Variants in PCDHGC4 observed in about 807,000 individuals in gnomAD.
PCDHGC4 encodes the protein protocadherin gamma-C4.
In PCDHGC4, 15 loss-of-function variants were observed where a neutral mutation model predicts 59.7. The ratio of observed to expected loss-of-function variants is 0.25; its 90% CI spans 0.17 to 0.39. The LOEUF is 0.39. PCDHGC4 is among the 10% of genes least tolerant of loss of function. The pLI is 1.00. For synonymous variants in PCDHGC4, 434 were observed against 481.4 expected, an observed-to-expected ratio of 0.90 and a Z score of 1.29; for missense variants, 1,016 against 1,189.5, an observed-to-expected ratio of 0.85 and a Z score of 2.15.
In PCDHGC4 at chr5:141,491,665, C is replaced by A; in HGVS notation, c.2443-3142C>A. 1 of 1,613,764 alleles carries A rather than the reference C, an allele frequency of 6.2e-7. No individual in the cohort carries two copies. Among genetic ancestry groups the A allele is most frequent in the Admixed American group, 1.7e-5 (1 of 60,034 alleles). On this transcript the variant is annotated intron_variant, in intron 1 of 3. Coordinates refer to ENST00000306593, the MANE Select transcript of PCDHGC4 (RefSeq NM_018928.3). The surrounding 1 kb of genome is among the most constrained non-coding windows in gnomAD (Gnocchi z 6.9). ...TCTGGCGCTGGAGCCTGACGCCATCCGGTCCCGCTCTAATACGCTGCGGGA... is the reference window on the plus strand; with the variant it reads ...TCTGGCGCTGGAGCCTGACGCCATCAGGTCCCGCTCTAATACGCTGCGGGA...
chr5:141,491,253 T>C lies in PCDHGC4; in HGVS notation c.2443-3554T>C, dbSNP rs71583648. The C allele has an allele frequency of 2.3e-3, 3,639 of 1,614,176 alleles. 33 individuals carry two copies. The African/African-American group carries it at 0.026, about 11-fold the overall frequency. Reference sequence around the variant, plus strand: ...TGCTGGTTCTGGAGGATGAGGACCCTGAGGAAATGCCCAAATCCAGTGACT... The same window carrying C: ...TGCTGGTTCTGGAGGATGAGGACCCCGAGGAAATGCCCAAATCCAGTGACT... On this transcript the variant is annotated intron_variant, in intron 1 of 3. Coordinates refer to ENST00000306593, the MANE Select transcript of PCDHGC4 (RefSeq NM_018928.3). This position sits in a 1 kb window ranked among gnomAD's most constrained non-coding sequence, Gnocchi z 6.9.
chr5:141,490,419 G>T lies in PCDHGC4; in HGVS notation c.2442+2804G>T, dbSNP rs1424302713. ...TGAGCCTTGATATCTCTCCGGACCT[G>T]CCATTTCAGATTAAGCCTTCTGAGA... is the stretch of plus-strand genomic sequence containing the variant. On this transcript the variant is annotated intron_variant, in intron 1 of 3. Transcript: ENST00000306593. The surrounding 1 kb of genome is among the most constrained non-coding windows in gnomAD (Gnocchi z 5.4). The T allele has an allele frequency of 6.2e-7, 1 of 1,614,170 alleles. No homozygotes were observed. The highest frequency in any genetic ancestry group is 8.5e-7 in the Non-Finnish European group (1 of 1,180,020).
intron 3 of PCDHGC4, among the ~76,000 whole-genome samples, chr5:141,508,711 T>G (rs1201917424): frequency 6.6e-6 from 1 of 152,058 alleles, no homozygotes; most frequent in Admixed American, 6.5e-5. Flanking sequence ...CTCATTCTTT[T>G]CTGTGTGCAG....
At chr5:141,498,971 G>A (rs866066098) in intron 2 of PCDHGC4, among the ~76,000 whole-genome samples, 16 of 111,052 alleles carry the variant, frequency 1.4e-4, no homozygotes, top group African/African-American at 2.5e-4. Context: ...GAGGGAGGGA[G>A]GGAAGGAAGG....
chr5:141,486,166 G>A lies in PCDHGC4; in HGVS notation c.993G>A (p.Glu331=). ...GCGATGGGGGTTCTCCAGCCATGGA[G>A]CAACATTGCAGCCTTCGAGTGGATC... ...RARDGGSPAM[E]QHCSLRVDLL... is the part of the protein sequence containing the mutation. The change falls in exon 1 of 4, where the codon GAG becomes GAA. Residue 331 remains glutamate, a synonymous_variant. Coordinates refer to ENST00000306593, the MANE Select transcript of PCDHGC4 (RefSeq NM_018928.3). The surrounding 1 kb of genome is among the most constrained non-coding windows in gnomAD (Gnocchi z 5.0). The A allele has an allele frequency of 2.5e-6, 4 of 1,614,224 alleles. No individual in the cohort carries two copies. The highest frequency in any genetic ancestry group is 3.4e-6 in the Non-Finnish European group (4 of 1,180,040).
rs1348847945 is a variant in PCDHGC4, at chr5:141,493,426, C to G, written c.2443-1381C>G. ...TGCCTCTGCTGGGATTTTGCTTCTG[C>G]TGGGATGGGGCAAGGGTGGGGTTCC... On this transcript the variant is annotated intron_variant, in intron 1 of 3. Transcript: ENST00000306593. The surrounding 1 kb of genome is among the most constrained non-coding windows in gnomAD (Gnocchi z 4.3). Among the ~76,000 whole-genome samples, 2 of 152,144 alleles carry G rather than the reference C, an allele frequency of 1.3e-5. No homozygotes were observed. The highest frequency in any genetic ancestry group is 4.8e-5 in the African/African-American group (2 of 41,424).
At position 141,491,502 on chromosome 5, in the gene PCDHGC4, C is replaced by G. The variant is rs751961360; in HGVS notation, c.2443-3305C>G. 1.4e-5 allele frequency: 23 copies of G among 1,614,080 alleles called. No homozygotes were observed. Among genetic ancestry groups the G allele is most frequent in the Non-Finnish European group, 1.8e-5 (21 of 1,180,006 alleles). ...GCCCCAACCTGCAGGTGAGCTCGGA[C>G]GGCACGCTCAAGTACATGGAGGTGA... On this transcript the variant is annotated intron_variant, in intron 1 of 3. Coordinates refer to ENST00000306593, the MANE Select transcript of PCDHGC4 (RefSeq NM_018928.3). This position sits in a 1 kb window ranked among gnomAD's most constrained non-coding sequence, Gnocchi z 6.9.
chr5:141,490,730 A>C lies in PCDHGC4; in HGVS notation c.2442+3115A>C. On this transcript the variant is annotated intron_variant, in intron 1 of 3. Coordinates refer to ENST00000306593, the MANE Select transcript of PCDHGC4 (RefSeq NM_018928.3). This position sits in a 1 kb window ranked among gnomAD's most constrained non-coding sequence, Gnocchi z 5.4. ...CTCACCTACTCCATTGTAGGAAATC[A>C]GGTTCAGGGAGCCCCAGCCTCCTCC... 6.2e-7 allele frequency: 1 copy of C among 1,614,188 alleles called. No homozygotes were observed. Among genetic ancestry groups the C allele is most frequent in the Non-Finnish European group, 8.5e-7 (1 of 1,180,024 alleles).
chr5:141,491,199 C>T lies in PCDHGC4; in HGVS notation c.2442+3584C>T. ...TGGTCCTGGTGAGGGACAATGGTGA[C>T]CCTTCACTCTCCTCCACAGCCACAG... On this transcript the variant is annotated intron_variant, in intron 1 of 3. Coordinates refer to ENST00000306593, the MANE Select transcript of PCDHGC4 (RefSeq NM_018928.3). The surrounding 1 kb of genome is among the most constrained non-coding windows in gnomAD (Gnocchi z 6.9). 1 of 1,614,190 alleles carries T rather than the reference C, an allele frequency of 6.2e-7. No homozygotes were observed. Among genetic ancestry groups the T allele is most frequent in the South Asian group, 1.1e-5 (1 of 91,086 alleles).
chr5:141,496,083 C>T (rs1267834920), intron 2 of PCDHGC4, among the ~76,000 whole-genome samples: 8 of 151,904 alleles, frequency 5.3e-5, no homozygotes, highest in Admixed American at 3.3e-4. Flanking sequence ...CAACCCCCCA[C>T]CCACCACCCA....
Position 141,485,465 on chromosome 5 carries a change from C to T in PCDHGC4, c.292C>T (p.Leu98Phe). ...NPIDREALCGLSASCIVPLEF... is the reference protein window; with the variant it reads ...NPIDREALCGFSASCIVPLEF... ...AATCGACCGAGAGGCACTGTGTGGG[C>T]TCAGTGCCAGCTGCATCGTGCCCCT... The change falls in exon 1 of 4, where the codon CTC (leucine) becomes TTC (phenylalanine). Residue 98 changes from leucine (L) to phenylalanine (F), a missense_variant. Coordinates refer to ENST00000306593, the MANE Select transcript of PCDHGC4 (RefSeq NM_018928.3). This position sits in a 1 kb window ranked among gnomAD's most constrained non-coding sequence, Gnocchi z 5.7. 6.2e-7 allele frequency: 1 copy of T among 1,614,162 alleles called. No homozygotes were observed.
rs1375469711 is a variant in PCDHGC4 at position 141,512,102 on chromosome 5, C to G, written c.*929C>G. On this transcript the variant is annotated 3_prime_UTR_variant, in exon 4 of 4. Coordinates refer to ENST00000306593, the MANE Select transcript of PCDHGC4 (RefSeq NM_018928.3). Reference sequence around the variant, plus strand: ...GCCATAAACCAATAACTAGGCTGGACCCTTCCCACTACATAATAGGGCTCA... The same window carrying G: ...GCCATAAACCAATAACTAGGCTGGAGCCTTCCCACTACATAATAGGGCTCA... The G allele has an allele frequency of 6.5e-6, 1 of 152,806 alleles. No individual in the cohort carries two copies. The highest frequency in any genetic ancestry group is 1.9e-4 in the East Asian group (1 of 5,182). The allele number at this position is 152,806 out of a possible 1,614,324, so 9.5% of individuals were successfully genotyped here. A position where few individuals can be genotyped will look rare whatever the true frequency, so the allele number is the denominator to read the frequency against.
chr5:141,499,493 A>G (rs1322531312), intron 2 of PCDHGC4, among the ~76,000 whole-genome samples: 1 of 152,222 alleles, frequency 6.6e-6, no homozygotes, highest in African/African-American at 2.4e-5. Context: ...CTACAGTTTA[A>G]TATGAAACAT....
rs775081505 is a variant in PCDHGC4 at position 141,486,730 on chromosome 5, T to C, written c.1557T>C (p.Ala519=). ...SLNPQTGAVH[A]TRSFDYEQTQ... ...ACCCCCAGACAGGAGCTGTTCATGC[T>C]ACTCGATCCTTTGACTATGAGCAAA... Residue 519 remains alanine, a synonymous_variant, in exon 1 of 4, where the codon GCT becomes GCC. Coordinates refer to ENST00000306593, the MANE Select transcript of PCDHGC4 (RefSeq NM_018928.3). This position sits in a 1 kb window ranked among gnomAD's most constrained non-coding sequence, Gnocchi z 5.0. 1 of 1,614,120 alleles carries C rather than the reference T, an allele frequency of 6.2e-7. No homozygotes were observed. Among genetic ancestry groups the C allele is most frequent in the Non-Finnish European group, 8.5e-7 (1 of 1,180,050 alleles).
In PCDHGC4 at chr5:141,487,260, C is replaced by T; in HGVS notation, c.2087C>T (p.Ser696Phe). 6.2e-7 allele frequency: 1 copy of T among 1,614,116 alleles called. No homozygotes were observed. The highest frequency in any genetic ancestry group is 1.1e-5 in the South Asian group (1 of 91,080). The change falls in exon 1 of 4, where the codon TCC (serine) becomes TTC (phenylalanine). Residue 696 changes from serine (S) to phenylalanine (F), a missense_variant. Coordinates refer to ENST00000306593, the MANE Select transcript of PCDHGC4 (RefSeq NM_018928.3). The surrounding 1 kb of genome is among the most constrained non-coding windows in gnomAD (Gnocchi z 5.0). ...ESRLTLYLAV[S>F]LVAICFVSFG... ...CGTCTAACCCTCTACTTGGCTGTGT[C>T]CCTAGTGGCAATTTGCTTTGTCTCC...
At position 141,487,780 on chromosome 5, in the gene PCDHGC4, C is replaced by T. The variant is rs1423149; in HGVS notation, c.2442+165C>T. On this transcript the variant is annotated intron_variant, in intron 1 of 3. Transcript: ENST00000306593. The surrounding 1 kb of genome is among the most constrained non-coding windows in gnomAD (Gnocchi z 5.0). ...TAGACGCTGTGCTTTGTAACTGTTT[C>T]GTGAATTAACCAGAGTTGTCACAGT... 0.06 allele frequency: 91,434 copies of T among 1,526,176 alleles called. 5,728 individuals carry two copies. Among genetic ancestry groups the T allele is most frequent in the African/African-American group, 0.33 (23,789 of 72,466 alleles). The allele number at this position is 1,526,176 out of a possible 1,614,324, so 94.5% of individuals were successfully genotyped here. A position where few individuals can be genotyped will look rare whatever the true frequency, so the allele number is the denominator to read the frequency against.
At position 141,486,641 on chromosome 5, in the gene PCDHGC4, A is replaced by C; in HGVS notation, c.1468A>C (p.Ile490Leu). Residue 490 changes from isoleucine (I) to leucine (L), a missense_variant, in exon 1 of 4, where the codon ATC becomes CTC. Ile to Leu is a conservative substitution (Grantham distance 5). Transcript: ENST00000306593. The surrounding 1 kb of genome is among the most constrained non-coding windows in gnomAD (Gnocchi z 5.0). ...CCCAGACTCTGGCTTGAATGCGCTTATCTCCTACTCACTCCTGGAGCCCAG... is the reference window on the plus strand; with the variant it reads ...CCCAGACTCTGGCTTGAATGCGCTTCTCTCCTACTCACTCCTGGAGCCCAG... ...SDPDSGLNALISYSLLEPRNR... is the reference protein window; with the variant it reads ...SDPDSGLNALLSYSLLEPRNR... 6.2e-7 allele frequency: 1 copy of C among 1,613,734 alleles called. No individual in the cohort carries two copies. The highest frequency in any genetic ancestry group is 1.6e-4 in the Middle Eastern group (1 of 6,062).
chr5:141,489,641 C>T lies in PCDHGC4; in HGVS notation c.2442+2026C>T, dbSNP rs1356716387. On this transcript the variant is annotated intron_variant, in intron 1 of 3. Coordinates refer to ENST00000306593, the MANE Select transcript of PCDHGC4 (RefSeq NM_018928.3). This position sits in a 1 kb window ranked among gnomAD's most constrained non-coding sequence, Gnocchi z 4.5. The stretch of plus-strand genomic sequence containing the variant: ...CTCAATGACAACTCTCCTAGCTTTG[C>T]CACCCCTGAGCGAGAGATGCGCATC... The T allele has an allele frequency of 2.5e-6, 4 of 1,614,008 alleles. No individual in the cohort carries two copies. The highest frequency in any genetic ancestry group is 3.4e-6 in the Non-Finnish European group (4 of 1,180,012).
In PCDHGC4 at chr5:141,490,304, T is replaced by G. The variant is rs2099698490; in HGVS notation, c.2442+2689T>G. On this transcript the variant is annotated intron_variant, in intron 1 of 3. Coordinates refer to ENST00000306593, the MANE Select transcript of PCDHGC4 (RefSeq NM_018928.3). This position sits in a 1 kb window ranked among gnomAD's most constrained non-coding sequence, Gnocchi z 5.4. ...GCCCCAGAGGTGCTATTGGCCTCTT[T>G]GGCCAACCCTGTCCTAGAGAGCACA... 1.2e-6 allele frequency: 2 copies of G among 1,614,026 alleles called. No homozygotes were observed. The highest frequency in any genetic ancestry group is 1.7e-5 in the Admixed American group (1 of 60,010).
Sources: allele counts gnomAD v4.1 joint callset (sites outside exome capture counted in the v4.1 genomes callset), GRCh38; gene constraint gnomAD v4.1.1; non-coding constraint Gnocchi (gnomAD v3.1); transcripts MANE v1.5; gene names NCBI Gene and HGNC (gene_info 2026-07-23, HGNC 2026-07-21).